Variants in IMMP2L observed in about 807,000 individuals in gnomAD.
IMMP2L encodes the protein inner mitochondrial membrane peptidase subunit 2, also known as mitochondrial inner membrane protease subunit 2.
IMMP2L carries 18 observed loss-of-function variants against 19.3 expected under a neutral mutation model. The ratio of observed to expected loss-of-function variants is 0.93; its 90% CI spans 0.64 to 1.38. The LOEUF is 1.38. Ranked by LOEUF, IMMP2L falls within the 40% of genes most tolerant of loss-of-function variation. The probability of loss-of-function intolerance (pLI) is 0.00; values close to 1 mark genes in which losing one functional copy is unlikely to be tolerated. For missense variants in IMMP2L, 233 were observed against 218.2 expected (o/e 1.07, Z -0.43); for synonymous variants, 76 against 73.0 (o/e 1.04, Z -0.21).
At chr7:110,912,986 A>T (rs1431470143) in intron 4 of IMMP2L, among the ~76,000 whole-genome samples, 2 of 152,134 alleles carry the variant, frequency 1.3e-5, no homozygotes, top group Admixed American at 6.6e-5. Flanking sequence ...TGGAAGGTGG[A>T]GATCATCTCA....
chr7:111,421,077 T>C (rs1835471122), intron 3 of IMMP2L, among the ~76,000 whole-genome samples: 1 of 151,748 alleles, frequency 6.6e-6, no homozygotes, highest in South Asian at 2.1e-4. Flanking sequence ...TGTTGTTCCC[T>C]GAGTTTTTAA....
At chr7:110,884,997 T>C (rs1400048699) in intron 5 of IMMP2L, among the ~76,000 whole-genome samples, 2 of 152,022 alleles carry the variant, frequency 1.3e-5, no homozygotes, top group Admixed American at 6.6e-5. Flanking sequence ...AGCAGGAGTG[T>C]GCCCTCATAC....
At chr7:111,444,508 T>C (rs539027223) in intron 3 of IMMP2L, among the ~76,000 whole-genome samples, 1 of 152,292 alleles carries the variant, frequency 6.6e-6, no homozygotes, top group South Asian at 2.1e-4. Context: ...ATTTAATATT[T>C]ATAGTGATTA....
intron 3 of IMMP2L, among the ~76,000 whole-genome samples, chr7:111,143,939 T>C (rs1489493311): frequency 6.6e-6 from 1 of 152,068 alleles, no homozygotes; most frequent in Admixed American, 6.6e-5. Context: ...CTATTTCCCT[T>C]ATTCATTCAT....
At chr7:111,416,873 T>C (rs1835001008) in intron 3 of IMMP2L, among the ~76,000 whole-genome samples, 1 of 151,664 alleles carries the variant, frequency 6.6e-6, no homozygotes, top group African/African-American at 2.4e-5. Context: ...TATGGTATGA[T>C]ACATAATACC....
At chr7:111,178,621 C>T (rs1807348255) in intron 3 of IMMP2L, among the ~76,000 whole-genome samples, 1 of 152,048 alleles carries the variant, frequency 6.6e-6, no homozygotes, top group Admixed American at 6.6e-5. Context: ...ATTCTAAGTC[C>T]TTTGTTGTCA....
At chr7:110,919,805 T>C (rs1357323074) in intron 4 of IMMP2L, among the ~76,000 whole-genome samples, 1 of 152,172 alleles carries the variant, frequency 6.6e-6, no homozygotes, top group Non-Finnish European at 1.5e-5. Context: ...ATAGTGTTCC[T>C]GGGTGTGTCT....
At chr7:111,452,130 T>A (rs1335371553) in intron 3 of IMMP2L, among the ~76,000 whole-genome samples, 3 of 152,132 alleles carry the variant, frequency 2.0e-5, no homozygotes, top group Non-Finnish European at 4.4e-5. Flanking sequence ...TTAATCAAGA[T>A]GCAGGTTTAT....
intron 3 of IMMP2L, among the ~76,000 whole-genome samples, chr7:111,112,156 C>G (rs1799312772): frequency 6.6e-6 from 1 of 151,670 alleles, no homozygotes; most frequent in African/African-American, 2.4e-5. Flanking sequence ...TTAGCAGAGA[C>G]TGGGTTTCGC....
At chr7:111,262,572 G>C (rs2129845787) in intron 3 of IMMP2L, among the ~76,000 whole-genome samples, 1 of 152,182 alleles carries the variant, frequency 6.6e-6, no homozygotes, top group Admixed American at 6.5e-5. Flanking sequence ...ATTTATCCAA[G>C]AGGCAGAAAC....
At chr7:111,417,085 T>C (rs1276530141) in intron 3 of IMMP2L, among the ~76,000 whole-genome samples, 2 of 151,766 alleles carry the variant, frequency 1.3e-5, no homozygotes, top group Non-Finnish European at 2.9e-5. Flanking sequence ...GTAGCACAGA[T>C]ATAGAAGATT....
At chr7:111,055,206 C>T (rs1793396146) in intron 3 of IMMP2L, among the ~76,000 whole-genome samples, 2 of 152,104 alleles carry the variant, frequency 1.3e-5, no homozygotes, top group East Asian at 1.9e-4. Flanking sequence ...TGAGCCACCA[C>T]GTCCACTTTT....
At chr7:110,779,056 C>T (rs117451789) in intron 5 of IMMP2L, among the ~76,000 whole-genome samples, 2,540 of 151,944 alleles carry the variant, frequency 0.017, 28 homozygotes, top group Non-Finnish European at 0.027. Flanking sequence ...TTATAAGTAA[C>T]GATTTTATAA....
At chr7:111,339,716 T>C (rs902686551) in intron 3 of IMMP2L, among the ~76,000 whole-genome samples, 6 of 152,034 alleles carry the variant, frequency 3.9e-5, no homozygotes, top group Non-Finnish European at 2.9e-5. Context: ...CAGTCCTCTA[T>C]CTCATTCAAA....
At chr7:110,775,268 T>TGTGTGC (rs1799306842) in intron 5 of IMMP2L, among the ~76,000 whole-genome samples, 1 of 151,642 alleles carries the variant, frequency 6.6e-6, no homozygotes, top group Non-Finnish European at 1.5e-5. Context: ...TGTGTGTGTG[T>TGTGTGC]GTGTGTGTGT....
At chr7:110,781,302 G>A (rs1410859084) in intron 5 of IMMP2L, among the ~76,000 whole-genome samples, 1 of 151,776 alleles carries the variant, frequency 6.6e-6, no homozygotes, top group African/African-American at 2.4e-5. Context: ...ATACAATACT[G>A]AGTACAAATT....
At chr7:111,076,328 A>G (rs945614085) in intron 3 of IMMP2L, among the ~76,000 whole-genome samples, 3 of 152,194 alleles carry the variant, frequency 2.0e-5, no homozygotes, top group Non-Finnish European at 2.9e-5. Context: ...ATATCTATTC[A>G]ATGTGCCCCT....
chr7:111,058,126 T>C (rs1793680607), intron 3 of IMMP2L, among the ~76,000 whole-genome samples: 1 of 152,150 alleles, frequency 6.6e-6, no homozygotes, highest in South Asian at 2.1e-4. Context: ...AACACATGAA[T>C]TTATCTATTT....
At chr7:111,441,273 C>T (rs915198723) in intron 3 of IMMP2L, among the ~76,000 whole-genome samples, 6 of 151,900 alleles carry the variant, frequency 3.9e-5, no homozygotes, top group Admixed American at 3.3e-4. Flanking sequence ...TTTCAACACG[C>T]CCTCCTCACT....
Sources: gnomAD v4.1 joint callset for allele counts (sites outside exome capture counted in the v4.1 genomes callset) on GRCh38, gnomAD v4.1.1 for gene constraint, MANE v1.5 for transcripts, NCBI Gene and HGNC (gene_info 2026-07-23, HGNC 2026-07-21) for gene names.